Variants in MAGI1 observed in about 807,000 individuals in gnomAD.
MAGI1 encodes membrane-associated guanylate kinase, WW and PDZ domain-containing protein 1.
A neutral mutation model predicts 139.9 loss-of-function variants in MAGI1; 58 were observed. That is an observed-to-expected ratio of 0.41 (90% confidence interval 0.34 to 0.52). MAGI1 has a LOEUF of 0.52. MAGI1 is among the 20% of genes least tolerant of loss of function. MAGI1 has a pLI of 0.12. For missense variants in MAGI1, 1,874 were observed against 1,901.6 expected (o/e 0.99, Z 0.27); for synonymous variants, 812 against 737.9 (o/e 1.10, Z -1.63).
intron 10 of MAGI1, among the ~76,000 whole-genome samples, chr3:65,436,702 G>A (rs992986700): frequency 6.6e-6 from 1 of 152,000 alleles, no homozygotes; most frequent in Middle Eastern, 3.2e-3. Flanking sequence ...CTCTAAGTCA[G>A]TGATTCCTAT....
At chr3:65,377,256 A>C (rs1017557776) in intron 17 of MAGI1, among the ~76,000 whole-genome samples, 2 of 152,190 alleles carry the variant, frequency 1.3e-5, no homozygotes, top group African/African-American at 4.8e-5. Context: ...AGTCTATTAG[A>C]ATACAATAGG....
At chr3:65,491,173 G>A (rs1327814523) in intron 3 of MAGI1, among the ~76,000 whole-genome samples, 1 of 151,972 alleles carries the variant, frequency 6.6e-6, no homozygotes, top group Non-Finnish European at 1.5e-5. Flanking sequence ...AAAGAGTGTA[G>A]GATCTGAGAG....
At chr3:65,474,324 T>C (rs990693307) in intron 4 of MAGI1, among the ~76,000 whole-genome samples, 1 of 152,120 alleles carries the variant, frequency 6.6e-6, no homozygotes, top group African/African-American at 2.4e-5. Flanking sequence ...CAGCCACCAC[T>C]TTCTTACTAA....
At chr3:65,884,584 ATTTTC>A (rs375259025) in intron 1 of MAGI1, among the ~76,000 whole-genome samples, 1 of 152,234 alleles carries the variant, frequency 6.6e-6, no homozygotes, top group East Asian at 1.9e-4. Context: ...ATGAACAAAG[ATTTTC>A]TTTTCTTTTT....
intron 2 of MAGI1, among the ~76,000 whole-genome samples, chr3:65,598,202 G>A (rs2082316283): frequency 6.6e-6 from 1 of 152,140 alleles, no homozygotes; most frequent in Non-Finnish European, 1.5e-5. Context: ...CTAGGCCGGG[G>A]GGATTAGGGG....
chr3:65,478,848 T>TG (rs533504233), intron 3 of MAGI1, 50 bp from the exon 4 acceptor site: 1 of 1,317,290 alleles, frequency 7.6e-7, no homozygotes, highest in Non-Finnish European at 1.0e-6. Context: ...ATACTTTGTG[T>TG]TTTTTTTTAA....
chr3:65,636,449 A>G lies in MAGI1; in HGVS notation c.314-14361T>C, dbSNP rs567587867. On this transcript the variant is annotated intron_variant, in intron 1 of 22. Transcript: ENST00000402939. Reference sequence around the variant, plus strand: ...GTCTTCCAGCTGCTATTCAAAAGTGATTATAAATAATGGGGCTATAAAAGC... The same window carrying G: ...GTCTTCCAGCTGCTATTCAAAAGTGGTTATAAATAATGGGGCTATAAAAGC... Among the ~76,000 whole-genome samples, 14 of 152,294 alleles carry G rather than the reference A, an allele frequency of 9.2e-5. No individual in the cohort carries two copies. The East Asian group carries it at 2.7e-3, about 29-fold the overall frequency.
chr3:65,636,955 C>G (rs1251760764), intron 1 of MAGI1, among the ~76,000 whole-genome samples: 1 of 152,350 alleles, frequency 6.6e-6, no homozygotes, highest in Middle Eastern at 3.4e-3. Context: ...CAAGGTTAAG[C>G]CCATTGCAGG....
chr3:65,578,087 C>A (rs1442404668), intron 2 of MAGI1, among the ~76,000 whole-genome samples: 2 of 152,240 alleles, frequency 1.3e-5, no homozygotes, highest in Non-Finnish European at 2.9e-5. Context: ...CTGCCTCCAT[C>A]CTCAGGAGCC....
chr3:65,568,936 T>G (rs1213161504), intron 2 of MAGI1, among the ~76,000 whole-genome samples: 1 of 152,218 alleles, frequency 6.6e-6, no homozygotes, highest in East Asian at 1.9e-4. Flanking sequence ...TATAGAGCAG[T>G]TGACATCAAA....
chr3:65,387,306 T>C (rs1943528819), intron 14 of MAGI1: 3 of 1,025,290 alleles, frequency 2.9e-6, no homozygotes, highest in South Asian at 2.7e-5. Context: ...TTTTGATTGA[T>C]AAGGAACAGT....
intron 12 of MAGI1, 63 bp downstream of exon 12, chr3:65,429,457 A>G: frequency 6.7e-7 from 1 of 1,487,760 alleles, no homozygotes; most frequent in East Asian, 2.3e-5. Context: ...TCTGAAGATG[A>G]GTAAGTTAAG....
chr3:65,849,755 G>C (rs1425790587), intron 1 of MAGI1, among the ~76,000 whole-genome samples: 1 of 152,098 alleles, frequency 6.6e-6, no homozygotes, highest in African/African-American at 2.4e-5. Context: ...ACAATGGTTA[G>C]ACTGTGTATT....
At chr3:65,914,462 A>G (rs1278905696) in intron 1 of MAGI1, among the ~76,000 whole-genome samples, 5 of 152,218 alleles carry the variant, frequency 3.3e-5, no homozygotes, top group Non-Finnish European at 5.9e-5. Flanking sequence ...AATGTCTGAA[A>G]AAGTAGAGAA....
intron 7 of MAGI1, among the ~76,000 whole-genome samples, chr3:65,443,232 A>T (rs1948464052): frequency 6.6e-6 from 1 of 152,182 alleles, no homozygotes; most frequent in African/African-American, 2.4e-5. Context: ...GCAAAAATGG[A>T]TGAAAATTAA....
At chr3:65,722,576 C>T (rs907360436) in intron 1 of MAGI1, among the ~76,000 whole-genome samples, 9 of 152,106 alleles carry the variant, frequency 5.9e-5, no homozygotes, top group Non-Finnish European at 8.8e-5. Context: ...GAGGCTGCAG[C>T]GAGCCATGAT....
intron 1 of MAGI1, among the ~76,000 whole-genome samples, chr3:65,669,570 T>G (rs1317319481): frequency 6.6e-6 from 1 of 152,236 alleles, no homozygotes; most frequent in Non-Finnish European, 1.5e-5. Flanking sequence ...GCTTTTGCTT[T>G]GACTAAACCA....
chr3:65,689,771 C>G (rs931549408), intron 1 of MAGI1, among the ~76,000 whole-genome samples: 7 of 152,220 alleles, frequency 4.6e-5, no homozygotes, highest in Non-Finnish European at 1.0e-4. Flanking sequence ...AGTAATCTAA[C>G]TAACCTAATT....
intron 1 of MAGI1, among the ~76,000 whole-genome samples, chr3:65,831,860 T>A (rs4688606): frequency 0.45 from 69,020 of 152,124 alleles, 17,612 homozygotes; most frequent in East Asian, 0.76. Context: ...ATCTGAAATG[T>A]GTCACCACAT....
Sources: allele counts gnomAD v4.1 joint callset (sites outside exome capture counted in the v4.1 genomes callset), GRCh38; gene constraint gnomAD v4.1.1; transcripts MANE v1.5; gene names NCBI Gene and HGNC (gene_info 2026-07-23, HGNC 2026-07-21).